Variants in PAGE2B observed in about 807,000 individuals in gnomAD.
PAGE2B encodes the protein putative G antigen family E member 3.
Under a neutral mutation model 7.6 loss-of-function variants are expected in PAGE2B, and 5 were observed. The ratio of observed to expected loss-of-function variants is 0.66; its 90% CI spans 0.34 to 1.38. The LOEUF is 1.38. Ranked by LOEUF, PAGE2B falls within the 40% of genes most tolerant of loss-of-function variation. The pLI, the probability that PAGE2B is intolerant of heterozygous loss-of-function variation, is 0.04. For synonymous variants in PAGE2B, 29 were observed against 26.7 expected, an observed-to-expected ratio of 1.09 and a Z score of -0.27; for missense variants, 70 against 78.4, an observed-to-expected ratio of 0.89 and a Z score of 0.41.
the PAGE2B span, among the ~76,000 whole-genome samples, chrX:55,044,000 A>G: frequency 6.0e-4 from 65 of 107,576 alleles, no homozygotes; most frequent in Non-Finnish European, 1.1e-3. Flanking sequence ...AATAATAATA[A>G]TAGATGTTGG....
chrX:55,044,136 GA>G, the PAGE2B span, among the ~76,000 whole-genome samples: 12 of 104,576 alleles, frequency 1.1e-4, no homozygotes, highest in East Asian at 1.2e-3. Flanking sequence ...TTGATCAAAT[GA>G]AAAAAAAAAG....
the PAGE2B span, among the ~76,000 whole-genome samples, chrX:55,051,132 C>T: frequency 9.9e-5 from 11 of 111,460 alleles, no homozygotes; most frequent in South Asian, 7.5e-4. Context: ...TGTTGAATAT[C>T]GGCCCCCACT....
chrX:55,029,275 G>A, the PAGE2B span, among the ~76,000 whole-genome samples: 3 of 111,066 alleles, frequency 2.7e-5, no homozygotes, highest in Non-Finnish European at 5.7e-5. Flanking sequence ...CTGGGCTTCC[G>A]TTTCTCCACT....
At chrX:55,072,631 C>T (rs749750662), upstream of PAGE2B, among the ~76,000 whole-genome samples, 12 of 112,578 alleles carry the variant, frequency 1.1e-4, no homozygotes, top group South Asian at 1.5e-3. Flanking sequence ...TCAGAGACGG[C>T]GGGCAGGAAC....
chrX:55,071,296 C>T (rs1395477676), upstream of PAGE2B, among the ~76,000 whole-genome samples: 1 of 110,973 alleles, frequency 9.0e-6, no homozygotes, highest in East Asian at 2.8e-4. Flanking sequence ...TTCGTTTCTC[C>T]TTCTCTTATG....
At chrX:55,075,739 C>CG (rs1390912441) in intron 1 of PAGE2B, among the ~76,000 whole-genome samples, 2 of 110,942 alleles carry the variant, frequency 1.8e-5, no homozygotes, top group Non-Finnish European at 3.8e-5. Context: ...ATTCTCTGCC[C>CG]TTTTTTCCCC....
At chrX:55,075,627 G>A (rs1265682777) in intron 1 of PAGE2B, among the ~76,000 whole-genome samples, 1 of 111,369 alleles carries the variant, frequency 9.0e-6, no homozygotes, top group African/African-American at 3.3e-5. Context: ...AGGAATGGGC[G>A]AGGCTGTGCT....
the PAGE2B span, among the ~76,000 whole-genome samples, chrX:55,066,850 ATAT>A: frequency 9.0e-6 from 1 of 110,664 alleles, no homozygotes; most frequent in African/African-American, 3.3e-5. Flanking sequence ...AAGTTCTTTG[ATAT>A]TATCCCTTTT....
chrX:55,070,664 G>A (rs148602119), upstream of PAGE2B, among the ~76,000 whole-genome samples: 4,856 of 111,454 alleles, frequency 0.044, 281 homozygotes, highest in African/African-American at 0.15. Flanking sequence ...TTGTGTGGGA[G>A]TCTAAGTCTC....
chrX:55,045,312 G>A, the PAGE2B span, among the ~76,000 whole-genome samples: 8 of 111,383 alleles, frequency 7.2e-5, no homozygotes, highest in Admixed American at 5.8e-4. Flanking sequence ...AGGAAGAACT[G>A]GCTGTTCAGT....
the PAGE2B span, among the ~76,000 whole-genome samples, chrX:55,030,380 TCACCCCCA>T: frequency 9.0e-6 from 1 of 111,419 alleles, no homozygotes; most frequent in Non-Finnish European, 1.9e-5. Context: ...ATCATTCCCA[TCACCCCCA>T]CATCCTCTTA....
the PAGE2B span, among the ~76,000 whole-genome samples, chrX:55,060,565 G>A: frequency 0.018 from 1,985 of 111,304 alleles, 32 homozygotes; most frequent in East Asian, 0.06. Flanking sequence ...TTCTCTCATT[G>A]TGCAGGTTGC....
At chrX:55,073,565 G>A (rs1387392128), upstream of PAGE2B, among the ~76,000 whole-genome samples, 4 of 111,996 alleles carry the variant, frequency 3.6e-5, 1 homozygote, top group Middle Eastern at 4.6e-3. Context: ...TTCTAATTCC[G>A]TGAAGAATGT....
chrX:55,033,882 T>A, the PAGE2B span, among the ~76,000 whole-genome samples: 1 of 112,732 alleles, frequency 8.9e-6, no homozygotes, highest in Admixed American at 9.4e-5. Flanking sequence ...TCACCCATTT[T>A]AAATGTGTAA....
chrX:55,070,405 T>C (rs1420101488), upstream of PAGE2B, among the ~76,000 whole-genome samples: 1 of 112,184 alleles, frequency 8.9e-6, no homozygotes. Context: ...GAGAGACTGT[T>C]TGTTATATCT....
chrX:55,029,776 G>A, the PAGE2B span, among the ~76,000 whole-genome samples: 1 of 111,904 alleles, frequency 8.9e-6, no homozygotes, highest in Non-Finnish European at 1.9e-5. Flanking sequence ...TAACCAAAGA[G>A]ATGATGGTGA....
At chrX:55,040,048 T>A in the PAGE2B span, among the ~76,000 whole-genome samples, 1 of 110,767 alleles carries the variant, frequency 9.0e-6, no homozygotes, top group South Asian at 3.8e-4. Context: ...ATATTTTCTT[T>A]TTTTTTTTTT....
At chrX:55,049,619 G>A in the PAGE2B span, among the ~76,000 whole-genome samples, 1 of 111,556 alleles carries the variant, frequency 9.0e-6, no homozygotes, top group Admixed American at 9.5e-5. Context: ...ATTCTCTGAT[G>A]GTAGTTTGTA....
upstream of PAGE2B, among the ~76,000 whole-genome samples, chrX:55,073,542 T>G (rs1936470744): frequency 8.9e-6 from 1 of 112,148 alleles, no homozygotes; most frequent in Non-Finnish European, 1.9e-5. Context: ...ATATGAATTT[T>G]AAAGTAGTTT....
Sources: gnomAD v4.1 joint callset for allele counts (sites outside exome capture counted in the v4.1 genomes callset) on GRCh38, gnomAD v4.1.1 for gene constraint, MANE v1.5 for transcripts, NCBI Gene and HGNC (gene_info 2026-07-23, HGNC 2026-07-21) for gene names.